The following SLC38A10 variants were observed in gnomAD, a reference collection of about 807,000 sequenced individuals.
The protein encoded by SLC38A10 is solute carrier family 38 member 10.
Under a neutral mutation model 81.0 loss-of-function variants are expected in SLC38A10, and 53 were observed. That is an observed-to-expected ratio of 0.65 (90% confidence interval 0.53 to 0.82). The LOEUF (loss-of-function observed/expected upper bound fraction) is 0.82. SLC38A10 is among the 40% of genes least tolerant of loss of function. The pLI is 0.00. For missense variants in SLC38A10, 1,471 were observed against 1,545.0 expected, an observed-to-expected ratio of 0.95 and a Z score of 0.80; for synonymous variants, 665 against 655.3, an observed-to-expected ratio of 1.01 and a Z score of -0.23.
chr17:81,245,041 C>G lies in SLC38A10; in HGVS notation c.*515G>C, dbSNP rs1220061265. 1 of 157,040 alleles carries G rather than the reference C, an allele frequency of 6.4e-6. No homozygotes were observed. The highest frequency in any genetic ancestry group is 1.4e-5 in the Non-Finnish European group (1 of 71,380). The allele number at this position is 157,040 out of a possible 1,614,324, so 9.7% of individuals were successfully genotyped here. ...TGTTTATTCAAGACTTTCTACCACA[C>G]TGTGGGAAGCATCGATAAACAGTCA... is the stretch of plus-strand genomic sequence containing the variant. On this transcript the variant is annotated 3_prime_UTR_variant, in exon 16 of 16. Coordinates refer to ENST00000374759, the MANE Select transcript of SLC38A10 (RefSeq NM_001037984.3).
intron 8 of SLC38A10, 58 bp downstream of exon 8, chr17:81,275,901 CTGGGGGCTTA>C (rs1234691985): frequency 8.8e-5 from 132 of 1,503,198 alleles, no homozygotes; most frequent in Admixed American, 2.6e-4. Context: ...TTCGGGACAG[CTGGGGGCTTA>C]TGGGAAGCGA....
chr17:81,251,460 C>A, intron 14 of SLC38A10, 33 bp downstream of exon 14: 1 of 1,607,950 alleles, frequency 6.2e-7, no homozygotes, highest in Non-Finnish European at 8.5e-7. Context: ...CTCCCTGGGC[C>A]TGAGGCAGGC....
chr17:81,256,698 G>C (rs1025266083), intron 11 of SLC38A10, among the ~76,000 whole-genome samples: 1 of 152,230 alleles, frequency 6.6e-6, no homozygotes, highest in Admixed American at 6.5e-5. Context: ...CCTGCTTTTA[G>C]GCAACTTTTC....
chr17:81,263,665 A>G (rs1239514327), intron 10 of SLC38A10: 1 of 152,310 alleles, frequency 6.6e-6, no homozygotes, highest in Non-Finnish European at 1.5e-5. Flanking sequence ...CCACATGCCC[A>G]GGCTTTCCTT....
Position 81,252,546 on chromosome 17 carries a change from G to C in SLC38A10, c.1594C>G (p.Pro532Ala). 1 of 1,613,390 alleles carries C rather than the reference G, an allele frequency of 6.2e-7. No homozygotes were observed. Among genetic ancestry groups the C allele is most frequent in the Non-Finnish European group, 8.5e-7 (1 of 1,180,022 alleles). Reference protein sequence around the residue: ...PPSRHAGGKAPGVQGQMAPPL... With the variant: ...PPSRHAGGKAAGVQGQMAPPL... ...GGCGCCATCTGGCCCTGGACCCCTGGAGCCTTTCCGCCCGCGTGTCTGGAT... is the reference window on the plus strand; with the variant it reads ...GGCGCCATCTGGCCCTGGACCCCTGCAGCCTTTCCGCCCGCGTGTCTGGAT... The change falls in exon 13 of 16, where the codon CCA (proline) becomes GCA (alanine). Residue 532 changes from proline to alanine, a missense_variant. Physicochemically the swap from Pro to Ala is conservative, Grantham distance 27. This residue lies in a region of SLC38A10 where 720 missense variants were observed against 827.7 expected (regional missense o/e 0.87). Coordinates refer to ENST00000374759, the MANE Select transcript of SLC38A10 (RefSeq NM_001037984.3).
At chr17:81,252,820 G>T in intron 12 of SLC38A10, 137 bp from the exon 13 acceptor site, 1 of 1,356,528 alleles carries the variant, frequency 7.4e-7, no homozygotes, top group Non-Finnish European at 9.8e-7. Flanking sequence ...TCCCCTGCCG[G>T]CCTCCCTGCT....
In SLC38A10 at chr17:81,283,381, CA is replaced by C. The variant is rs746682628; in HGVS notation, c.357+27del. The C allele has an allele frequency of 5.7e-5, 92 of 1,602,346 alleles. No homozygotes were observed. Among genetic ancestry groups the C allele is most frequent in the Non-Finnish European group, 7.7e-5 (90 of 1,172,916 alleles). On this transcript the variant is annotated intron_variant, in intron 4 of 15. Coordinates refer to ENST00000374759, the MANE Select transcript of SLC38A10 (RefSeq NM_001037984.3). This position sits in a 1 kb window ranked among gnomAD's most constrained non-coding sequence, Gnocchi z 4.7. ...CTCAGAGCAGCCGTCAGCATCTGAA[CA>C]ACCCAGAACCCTGAACACATCCTTA...
chr17:81,251,163 G>A, intron 14 of SLC38A10: 2 of 1,525,312 alleles, frequency 1.3e-6, no homozygotes, highest in Non-Finnish European at 1.8e-6. Flanking sequence ...TAACAAACCT[G>A]CTTTAAAGAC....
chr17:81,247,337 T>C (rs140730191), intron 14 of SLC38A10: 3 of 338,122 alleles, frequency 8.9e-6, no homozygotes, highest in African/African-American at 2.1e-5. Context: ...CTGTGCCGCA[T>C]CAGTTCTCCC....
chr17:81,250,058 T>C (rs942518034), intron 14 of SLC38A10: 1 of 1,288,582 alleles, frequency 7.8e-7, no homozygotes, highest in Non-Finnish European at 1.0e-6. Flanking sequence ...GCACACTCCT[T>C]TGGGTTCGTA....
rs1247293706 is a variant in SLC38A10 at position 81,276,004 on chromosome 17, T to C, written c.877A>G (p.Arg293Gly). The C allele has an allele frequency of 6.2e-7, 1 of 1,613,542 alleles. No homozygotes were observed. The highest frequency in any genetic ancestry group is 8.5e-7 in the Non-Finnish European group (1 of 1,179,988). Residue 293 changes from arginine to glycine, a missense_variant, in exon 8 of 16, where the codon AGG (arginine) becomes GGG (glycine). Arg to Gly is a moderately radical substitution (Grantham distance 125). This residue lies in a region of SLC38A10 where 720 missense variants were observed against 827.7 expected (regional missense o/e 0.87). Coordinates refer to ENST00000374759, the MANE Select transcript of SLC38A10 (RefSeq NM_001037984.3). The surrounding 1 kb of genome is among the most constrained non-coding windows in gnomAD (Gnocchi z 4.7). ...CACAGCAGCGTGCTCAGGGCCTGCC[T>C]GCATGGCAGGATCATCATGGGGAAG... is the stretch of plus-strand genomic sequence containing the variant. ...VGFPMMILPC[R>G]QALSTLLCEQ...
rs2279911 is a variant in SLC38A10, at chr17:81,282,181, C to T, written c.501+8G>A. Reference sequence around the variant, plus strand: ...TTCAGCGGGTACCCACGCGCGCTGCCGACTCACCACGAACATGAACACGGT... The same window carrying T: ...TTCAGCGGGTACCCACGCGCGCTGCTGACTCACCACGAACATGAACACGGT... On this transcript the variant is annotated splice_region_variant and intron_variant, in intron 5 of 15. Transcript: ENST00000374759. 21 of 1,612,796 alleles carry T rather than the reference C, an allele frequency of 1.3e-5. No individual in the cohort carries two copies. The highest frequency in any genetic ancestry group is 1.1e-4 in the East Asian group (5 of 44,868).
In SLC38A10 at chr17:81,257,780, C is replaced by T. The variant is rs764442445; in HGVS notation, c.1288+2458G>A. Among the ~76,000 whole-genome samples the T allele has an allele frequency of 3.9e-5, 6 of 152,356 alleles. No homozygotes were observed. The South Asian group carries it at 8.3e-4, about 21-fold the overall frequency. ...GCCCCTGCCTCATTTTCCCACGGAGCGGAAGTGCAGCTGTGCCTGCCCCGC... is the reference window on the plus strand; with the variant it reads ...GCCCCTGCCTCATTTTCCCACGGAGTGGAAGTGCAGCTGTGCCTGCCCCGC... On this transcript the variant is annotated intron_variant, in intron 11 of 15. Transcript: ENST00000374759.
In SLC38A10 at chr17:81,261,147, C is replaced by T. The variant is rs553300995; in HGVS notation, c.1132-753G>A. 7.5e-4 allele frequency among the ~76,000 whole-genome samples: 114 copies of T among 152,372 alleles called. 1 individual carries two copies. Among genetic ancestry groups the T allele is most frequent in the Non-Finnish European group, 1.2e-3 (84 of 68,032 alleles). ...AGTCCTCCCTCCTTCCCCCGCTCCC[C>T]GGCCAATCGTAAGCATCACACGTGC... On this transcript the variant is annotated intron_variant, in intron 10 of 15. Transcript: ENST00000374759.
chr17:81,293,263 C>A (rs9893107), intron 1 of SLC38A10, among the ~76,000 whole-genome samples: 3,536 of 152,362 alleles, frequency 0.023, 142 homozygotes, highest in African/African-American at 0.081. Flanking sequence ...ACAGTGGACA[C>A]TGGGACATGG....
In SLC38A10 at chr17:81,286,871, G is replaced by A. The variant is rs112035023; in HGVS notation, c.218-1976C>T. Reference sequence around the variant, plus strand: ...AACAGTCCCTGCTGCTGGGGGAGGCGGTTTCTAGCCCAGACCACGCATGCC... The same window carrying A: ...AACAGTCCCTGCTGCTGGGGGAGGCAGTTTCTAGCCCAGACCACGCATGCC... On this transcript the variant is annotated intron_variant, in intron 2 of 15. Coordinates refer to ENST00000374759, the MANE Select transcript of SLC38A10 (RefSeq NM_001037984.3). The surrounding 1 kb of genome is among the most constrained non-coding windows in gnomAD (Gnocchi z 6.0). Among the ~76,000 whole-genome samples the A allele has an allele frequency of 0.055, 8,324 of 152,160 alleles. 321 individuals carry two copies. Among genetic ancestry groups the A allele is most frequent in the Non-Finnish European group, 0.086 (5,848 of 68,006 alleles).
Position 81,252,487 on chromosome 17 carries a change from C to T in SLC38A10, c.1653G>A (p.Glu551=), listed in dbSNP as rs953150910. ...PLPDSEREKQ[E]PEQGEVGKRP... is the part of the protein sequence containing the mutation. ...TCTTCCCAACCTCTCCCTGCTCCGGCTCTTGTTTCTCTCTTTCTGAGTCGG... is the reference window on the plus strand; with the variant it reads ...TCTTCCCAACCTCTCCCTGCTCCGGTTCTTGTTTCTCTCTTTCTGAGTCGG... Residue 551 remains glutamate (E), a synonymous_variant, in exon 13 of 16, where the codon GAG becomes GAA. Coordinates refer to ENST00000374759, the MANE Select transcript of SLC38A10 (RefSeq NM_001037984.3). The T allele has an allele frequency of 6.2e-7, 1 of 1,613,378 alleles. No homozygotes were observed. The highest frequency in any genetic ancestry group is 8.5e-7 in the Non-Finnish European group (1 of 1,179,994).
At chr17:81,252,082 G>T in intron 13 of SLC38A10, 113 bp downstream of exon 13, 1 of 1,412,498 alleles carries the variant, frequency 7.1e-7, no homozygotes, top group South Asian at 1.5e-5. Flanking sequence ...CTAATCTGGT[G>T]CAGGGAGAGA....
At chr17:81,263,174 C>G (rs2063038609) in intron 10 of SLC38A10, 1 of 152,242 alleles carries the variant, frequency 6.6e-6, no homozygotes, top group Non-Finnish European at 1.5e-5. Flanking sequence ...AACTCAGCCC[C>G]AAGTCCAAGA....
Sources: gnomAD v4.1 joint callset for allele counts (sites outside exome capture counted in the v4.1 genomes callset) on GRCh38, gnomAD v4.1.1 for gene constraint, gnomAD v4.1.1 regional missense constraint, Gnocchi (gnomAD v3.1) non-coding constraint, MANE v1.5 for transcripts, NCBI Gene and HGNC (gene_info 2026-07-23, HGNC 2026-07-21) for gene names.